Variants in GRM3 observed in about 807,000 individuals in gnomAD.
GRM3 encodes glutamate metabotropic receptor 3.
Under a neutral mutation model 70.5 loss-of-function variants are expected in GRM3, and 26 were observed. The ratio of observed to expected loss-of-function variants is 0.37; its 90% confidence interval spans 0.27 to 0.51. The LOEUF (loss-of-function observed/expected upper bound fraction) is 0.51, where lower values mean the gene tolerates loss of function less well. Ranked by LOEUF, GRM3 falls within the 20% of genes least tolerant of loss-of-function variation. The pLI, the probability that GRM3 is intolerant of heterozygous loss-of-function variation, is 0.93. For synonymous variants in GRM3, 443 were observed against 434.9 expected (o/e 1.02, Z -0.23); for missense variants, 859 against 1,123.8 (o/e 0.76, Z 3.37).
intron 1 of GRM3, among the ~76,000 whole-genome samples, chr7:86,717,203 C>T (rs1324590656): frequency 6.6e-6 from 1 of 151,902 alleles, no homozygotes; most frequent in Non-Finnish European, 1.5e-5. Flanking sequence ...AGTTTTGTTA[C>T]CCTCCATAGA....
chr7:86,668,774 C>A (rs1451821842), intron 1 of GRM3, among the ~76,000 whole-genome samples: 1 of 152,120 alleles, frequency 6.6e-6, no homozygotes, highest in Non-Finnish European at 1.5e-5. Flanking sequence ...GTCTACCCAA[C>A]CAAAAGCAAA....
intron 2 of GRM3, among the ~76,000 whole-genome samples, chr7:86,775,486 G>T (rs1477623453): frequency 6.6e-6 from 1 of 151,924 alleles, no homozygotes; most frequent in African/African-American, 2.4e-5. Context: ...TCATCTGATT[G>T]CCCTTCCCTG....
intron 1 of GRM3, among the ~76,000 whole-genome samples, chr7:86,671,513 C>G (rs1794172723): frequency 6.6e-6 from 1 of 152,142 alleles, no homozygotes; most frequent in African/African-American, 2.4e-5. Flanking sequence ...CATATGTATT[C>G]CCAACAAGCT....
At chr7:86,796,037 CTT>C (rs1236540357) in intron 3 of GRM3, among the ~76,000 whole-genome samples, 2 of 152,182 alleles carry the variant, frequency 1.3e-5, no homozygotes, top group Non-Finnish European at 2.9e-5. Flanking sequence ...TGAGAAGTCT[CTT>C]TTGCTGTGCA....
At chr7:86,785,261 T>G (rs542582095) in intron 2 of GRM3, among the ~76,000 whole-genome samples, 1 of 152,342 alleles carries the variant, frequency 6.6e-6, no homozygotes, top group Admixed American at 6.5e-5. Context: ...GAAATTATTT[T>G]TAAAAGCTAA....
chr7:86,829,030 GT>G (rs1055503942), intron 3 of GRM3, among the ~76,000 whole-genome samples: 5 of 152,290 alleles, frequency 3.3e-5, no homozygotes, highest in African/African-American at 1.2e-4. Flanking sequence ...CCCCTCATCT[GT>G]TTTAGTTTGA....
At chr7:86,713,825 T>C (rs1795253546) in intron 1 of GRM3, among the ~76,000 whole-genome samples, 1 of 151,872 alleles carries the variant, frequency 6.6e-6, no homozygotes, top group South Asian at 2.1e-4. Context: ...ATGACAACAA[T>C]AAAAATGGGG....
chr7:86,681,084 A>G (rs1038052573), intron 1 of GRM3, among the ~76,000 whole-genome samples: 1 of 152,098 alleles, frequency 6.6e-6, no homozygotes, highest in African/African-American at 2.4e-5. Context: ...AAATAGGATG[A>G]TTTTCTTCTC....
intron 1 of GRM3, among the ~76,000 whole-genome samples, chr7:86,732,245 C>G (rs1040594131): frequency 6.6e-6 from 1 of 151,984 alleles, no homozygotes; most frequent in Admixed American, 6.5e-5. Flanking sequence ...AGTTAGCAGA[C>G]GAGAAAAAAA....
chr7:86,805,858 C>CATTTACAT (rs1797779563), intron 3 of GRM3, among the ~76,000 whole-genome samples: 1 of 152,074 alleles, frequency 6.6e-6, no homozygotes, highest in African/African-American at 2.4e-5. Flanking sequence ...ATTAACTCAT[C>CATTTACAT]ATTTACATTA....
chr7:86,852,368 A>G (rs1172307136), intron 5 of GRM3, among the ~76,000 whole-genome samples: 2 of 152,190 alleles, frequency 1.3e-5, no homozygotes, highest in African/African-American at 2.4e-5. Flanking sequence ...GAATTTTCTA[A>G]TGCATATGCT....
intron 3 of GRM3, among the ~76,000 whole-genome samples, chr7:86,801,434 G>C (rs189625039): frequency 6.6e-6 from 1 of 152,180 alleles, no homozygotes. Flanking sequence ...GGAATTGAGT[G>C]TTTTAGAGCT....
At chr7:86,652,497 A>G (rs1793632736) in intron 1 of GRM3, among the ~76,000 whole-genome samples, 1 of 151,928 alleles carries the variant, frequency 6.6e-6, no homozygotes, top group Non-Finnish European at 1.5e-5. Flanking sequence ...CGCCCAACTA[A>G]TTTTTGTATT....
intron 1 of GRM3, among the ~76,000 whole-genome samples, chr7:86,719,027 C>T (rs1795389570): frequency 6.6e-6 from 1 of 151,808 alleles, no homozygotes; most frequent in East Asian, 1.9e-4. Context: ...GGAACAATAC[C>T]TTTAATAAAC....
chr7:86,781,155 C>T (rs1395829032), intron 2 of GRM3, among the ~76,000 whole-genome samples: 1 of 151,966 alleles, frequency 6.6e-6, no homozygotes, highest in South Asian at 2.1e-4. Flanking sequence ...AATGAGAAAA[C>T]ACATCTGCAA....
intron 1 of GRM3, among the ~76,000 whole-genome samples, chr7:86,688,182 A>G (rs888723311): frequency 6.6e-6 from 1 of 151,750 alleles, no homozygotes; most frequent in East Asian, 1.9e-4. Flanking sequence ...CAAGTAAAAA[A>G]TAAAATTGTA....
intron 2 of GRM3, among the ~76,000 whole-genome samples, chr7:86,776,613 T>C (rs1047170021): frequency 1.2e-4 from 18 of 152,164 alleles, no homozygotes; most frequent in African/African-American, 4.3e-4. Context: ...CTGACAAAGA[T>C]TGGCATGCCT....
chr7:86,799,376 C>T (rs1797629863), intron 3 of GRM3, among the ~76,000 whole-genome samples: 1 of 152,102 alleles, frequency 6.6e-6, no homozygotes, highest in South Asian at 2.1e-4. Context: ...ACACAACTTC[C>T]AATAATATGT....
intron 3 of GRM3, among the ~76,000 whole-genome samples, chr7:86,787,477 T>C (rs1797286178): frequency 6.6e-6 from 1 of 152,158 alleles, no homozygotes; most frequent in Non-Finnish European, 1.5e-5. Flanking sequence ...AATTGGCACC[T>C]CTCTAGGGAA....
Sources: gnomAD v4.1 joint callset for allele counts (sites outside exome capture counted in the v4.1 genomes callset) on GRCh38, gnomAD v4.1.1 for gene constraint, MANE v1.5 for transcripts, NCBI Gene and HGNC (gene_info 2026-07-23, HGNC 2026-07-21) for gene names.